ACOX1: variants seen among roughly 807,000 people sequenced by gnomAD.
ACOX1 encodes peroxisomal acyl-coenzyme A oxidase 1.
ACOX1 carries 41 observed loss-of-function variants against 75.5 expected under a neutral mutation model. That is an observed-to-expected ratio of 0.54 (90% CI 0.42 to 0.70). The LOEUF is 0.70. Ranked by LOEUF, ACOX1 falls within the 30% of genes least tolerant of loss-of-function variation. The pLI is 0.00. For synonymous variants in ACOX1, 303 were observed against 298.8 expected, an observed-to-expected ratio of 1.01 and a Z score of -0.15; for missense variants, 630 against 837.5, an observed-to-expected ratio of 0.75 and a Z score of 3.06.
rs1431722229 is a variant in ACOX1, at chr17:75,978,604, T to G, written c.199A>C (p.Ser67Arg). Residue 67 changes from serine (S) to arginine (R), a missense_variant, in exon 2 of 14, where the codon AGT (serine) becomes CGT (arginine). Ser to Arg is a moderately radical substitution (Grantham distance 110). Around this residue, in one of 2 missense-constraint regions of ACOX1, gnomAD observed 390 missense variants for 574.9 expected, o/e 0.68. Coordinates refer to ENST00000293217, the MANE Select transcript of ACOX1 (RefSeq NM_004035.7). This position sits in a 1 kb window ranked among gnomAD's most constrained non-coding sequence, Gnocchi z 4.2. ...CTCATCTTCTTCACCATGATGGCAC[T>G]TTTCCTGACAGCCACCTCATAACGC... ...SQRYEVAVRKSAIMVKKMREF... is the reference protein window; with the variant it reads ...SQRYEVAVRKRAIMVKKMREF... 6.2e-7 allele frequency: 1 copy of G among 1,614,208 alleles called. No homozygotes were observed. Among genetic ancestry groups the G allele is most frequent in the East Asian group, 2.2e-5 (1 of 44,890 alleles).
rs370956955 is a variant in ACOX1, at chr17:75,958,602, A to G, written c.431-1036T>C. On this transcript the variant is annotated intron_variant, in intron 3 of 13. Transcript: ENST00000293217. The stretch of plus-strand genomic sequence containing the variant: ...GGCGGGCGGATCACAAAGTCAGGAG[A>G]TCGAGACCATCCTGGTTAACACGGC... Among the ~76,000 whole-genome samples the G allele has an allele frequency of 6.4e-3, 975 of 151,708 alleles. 32 individuals carry two copies. Among genetic ancestry groups the G allele is most frequent in the African/African-American group, 0.023 (940 of 41,174 alleles).
At chr17:75,975,610 C>T (rs1326184690) in intron 2 of ACOX1, among the ~76,000 whole-genome samples, 1 of 152,130 alleles carries the variant, frequency 6.6e-6, no homozygotes, top group Non-Finnish European at 1.5e-5. Flanking sequence ...CTTCTGCGTC[C>T]TAATCATGTG....
At chr17:75,973,269 A>C in intron 2 of ACOX1, 2 of 329,282 alleles carry the variant, frequency 6.1e-6, no homozygotes, top group Non-Finnish European at 1.2e-5. Context: ...TAGAGCAGAG[A>C]GGCGCTTTCC....
intron 2 of ACOX1, among the ~76,000 whole-genome samples, chr17:75,971,467 C>T (rs986094741): frequency 1.3e-5 from 2 of 151,912 alleles, no homozygotes; most frequent in Non-Finnish European, 2.9e-5. Flanking sequence ...GCAGGCCGGG[C>T]GTGGTGACTC....
chr17:75,959,197 A>C (rs903662728), intron 3 of ACOX1, among the ~76,000 whole-genome samples: 1 of 152,230 alleles, frequency 6.6e-6, no homozygotes, highest in Non-Finnish European at 1.5e-5. Flanking sequence ...AGAAGCTTCC[A>C]AGTTGAATAA....
intron 2 of ACOX1, among the ~76,000 whole-genome samples, chr17:75,971,062 C>T (rs1033620113): frequency 4.6e-5 from 7 of 152,248 alleles, no homozygotes; most frequent in African/African-American, 9.6e-5. Flanking sequence ...GAGGCCGAGG[C>T]GGGCAGATCA....
At chr17:75,976,499 A>G (rs2144323334) in intron 2 of ACOX1, among the ~76,000 whole-genome samples, 1 of 152,308 alleles carries the variant, frequency 6.6e-6, no homozygotes, top group East Asian at 1.9e-4. Flanking sequence ...AACACAACAC[A>G]GGTATCAGTA....
Position 75,950,653 on chromosome 17 carries a change from G to A in ACOX1, c.1298+121C>T. Reference sequence around the variant, plus strand: ...CCGTGAGTCAGGATGGAAGGCAAAAGTATACCTTTCAGGAACAAATATATA... The same window carrying A: ...CCGTGAGTCAGGATGGAAGGCAAAAATATACCTTTCAGGAACAAATATATA... On this transcript the variant is annotated intron_variant, in intron 9 of 13. Coordinates refer to ENST00000293217, the MANE Select transcript of ACOX1 (RefSeq NM_004035.7). This position sits in a 1 kb window ranked among gnomAD's most constrained non-coding sequence, Gnocchi z 4.3. 8.7e-7 allele frequency: 1 copy of A among 1,150,010 alleles called. No homozygotes were observed. The highest frequency in any genetic ancestry group is 1.3e-6 in the Non-Finnish European group (1 of 787,860). The allele number at this position is 1,150,010 out of a possible 1,614,324, so 71.2% of individuals were successfully genotyped here.
chr17:75,973,995 C>T lies in ACOX1; in HGVS notation c.269+4539G>A, dbSNP rs58507886. Among the ~76,000 whole-genome samples the T allele has an allele frequency of 0.03, 4,495 of 152,222 alleles. 69 individuals carry two copies. Among genetic ancestry groups the T allele is most frequent in the Middle Eastern group, 0.051 (15 of 294 alleles). ...TCTCTTCTTCTAATTATTTCAAGGC[C>T]ACAGTTCCCACAGTTCATTTCGTAT... On this transcript the variant is annotated intron_variant, in intron 2 of 13. Transcript: ENST00000293217.
chr17:75,978,385 G>C lies in ACOX1; in HGVS notation c.269+149C>G. The stretch of plus-strand genomic sequence containing the variant: ...TGGGATTACAGGCGTGAGCCACCGC[G>C]CCCGGCCACACATATAACTTTATAA... On this transcript the variant is annotated intron_variant, in intron 2 of 13. Transcript: ENST00000293217. This position sits in a 1 kb window ranked among gnomAD's most constrained non-coding sequence, Gnocchi z 4.2. 9.3e-7 allele frequency: 1 copy of C among 1,079,064 alleles called. No homozygotes were observed. The highest frequency in any genetic ancestry group is 2.0e-5 in the Admixed American group (1 of 51,054). The allele number at this position is 1,079,064 out of a possible 1,614,324, so 66.8% of individuals were successfully genotyped here. A position where few individuals can be genotyped will look rare whatever the true frequency, so the allele number is the denominator to read the frequency against.
intron 13 of ACOX1, among the ~76,000 whole-genome samples, chr17:75,947,635 G>A (rs1050081944): frequency 1.3e-4 from 20 of 152,046 alleles, no homozygotes; most frequent in African/African-American, 4.6e-4. Context: ...GCTAGACAAA[G>A]GGTGTACCAA....
intron 7 of ACOX1, 41 bp downstream of exon 7, chr17:75,953,410 T>C: frequency 6.2e-7 from 1 of 1,608,524 alleles, no homozygotes; most frequent in African/African-American, 1.3e-5. Flanking sequence ...GGGTAAAAAC[T>C]AGGCCTTTGG....
rs1464069343 is a variant in ACOX1 at position 75,966,073 on chromosome 17, G to C, written c.270-5698C>G. On this transcript the variant is annotated intron_variant, in intron 2 of 13. Transcript: ENST00000293217. ...TGAACCTGGGAGGCAGAGGTTGCAG[G>C]GAGCTGAGATCATGCCACTGCACTC... 2.6e-5 allele frequency among the ~76,000 whole-genome samples: 4 copies of C among 151,578 alleles called. No homozygotes were observed. In the South Asian group the frequency reaches 6.2e-4, roughly 24 times the overall value.
Position 75,953,595 on chromosome 17 carries a change from T to G in ACOX1, c.800A>C (p.Lys267Thr). Residue 267 changes from lysine (K) to threonine (T), a missense_variant, in exon 7 of 14, where the codon AAA becomes ACA. By Grantham distance (78) the Lys-to-Thr change is moderately conservative. This residue lies in a region of ACOX1 where 390 missense variants were observed against 574.9 expected (regional missense o/e 0.68). Coordinates refer to ENST00000293217, the MANE Select transcript of ACOX1 (RefSeq NM_004035.7). ...GTAAGTCAGCTTGTTACTCAGCGGT[T>G]TCACGTATGTGCCATCAGGCTTCAC... Reference protein sequence around the residue: ...AQVKPDGTYVKPLSNKLTYGT... With the variant: ...AQVKPDGTYVTPLSNKLTYGT... 6.2e-7 allele frequency: 1 copy of G among 1,614,152 alleles called. No homozygotes were observed. The highest frequency in any genetic ancestry group is 8.5e-7 in the Non-Finnish European group (1 of 1,180,000).
rs1218930211 is a variant in ACOX1 at position 75,943,678 on chromosome 17, C to T, written c.*3070G>A. 1 of 152,182 alleles carries T rather than the reference C, an allele frequency of 6.6e-6. No homozygotes were observed. Among genetic ancestry groups the T allele is most frequent in the African/African-American group, 2.4e-5 (1 of 41,434 alleles). The allele number at this position is 152,182 out of a possible 1,614,324, so 9.4% of individuals were successfully genotyped here. A position where few individuals can be genotyped will look rare whatever the true frequency, so the allele number is the denominator to read the frequency against. On this transcript the variant is annotated 3_prime_UTR_variant, in exon 14 of 14. Coordinates refer to ENST00000293217, the MANE Select transcript of ACOX1 (RefSeq NM_004035.7). Reference sequence around the variant, plus strand: ...GTAATGTTCTGAAGATAAGCTGATACTTAGTAGTGATATGTTCTAAAGACA... The same window carrying T: ...GTAATGTTCTGAAGATAAGCTGATATTTAGTAGTGATATGTTCTAAAGACA...
intron 2 of ACOX1, among the ~76,000 whole-genome samples, chr17:75,961,136 T>A (rs949729147): frequency 6.7e-6 from 1 of 149,230 alleles, no homozygotes; most frequent in Admixed American, 6.7e-5. Context: ...CTACTAAAAA[T>A]ACAAAAATTA....
chr17:75,973,649 A>G (rs2066017441), intron 2 of ACOX1: 1 of 1,614,234 alleles, frequency 6.2e-7, no homozygotes, highest in Non-Finnish European at 8.5e-7. Flanking sequence ...GTCTGGGCGT[A>G]GGTGCCAATT....
At chr17:75,968,641 G>A (rs2065964338) in intron 2 of ACOX1, among the ~76,000 whole-genome samples, 1 of 143,190 alleles carries the variant, frequency 7.0e-6, no homozygotes. Context: ...TATTAAAGTA[G>A]GCCATGTGCA....
At position 75,948,258 on chromosome 17, in the gene ACOX1, T is replaced by G; in HGVS notation, c.1928A>C (p.Lys643Thr). The G allele has an allele frequency of 1.2e-5, 20 of 1,614,152 alleles. No homozygotes were observed. Among genetic ancestry groups the G allele is most frequent in the Non-Finnish European group, 1.7e-5 (20 of 1,180,012 alleles). The change falls in exon 13 of 14, where the codon AAA becomes ACA. Residue 643 changes from lysine to threonine, a missense_variant. By Grantham distance (78) the Lys-to-Thr change is moderately conservative. This residue lies in a region of ACOX1 where 240 missense variants were observed against 262.7 expected (regional missense o/e 0.91). Transcript: ENST00000293217. ...GAGACACTGGATTTTTACCTCTGCT[T>G]TGTTCAGTGGGGAGTTCTTAGCCCA... ...FEWAKNSPLN[K>T]AEVHESYKHL...
Sources: gnomAD v4.1 joint callset for allele counts (sites outside exome capture counted in the v4.1 genomes callset) on GRCh38, gnomAD v4.1.1 for gene constraint, gnomAD v4.1.1 regional missense constraint, Gnocchi (gnomAD v3.1) non-coding constraint, MANE v1.5 for transcripts, NCBI Gene and HGNC (gene_info 2026-07-23, HGNC 2026-07-21) for gene names.